CACNA1S: variants seen among roughly 807,000 people sequenced by gnomAD.
CACNA1S encodes voltage-dependent L-type calcium channel subunit alpha-1S.
A neutral mutation model predicts 207.4 loss-of-function variants in CACNA1S; 126 were observed. The observed-to-expected ratio is 0.61, with a 90% CI of 0.53 to 0.70. The LOEUF (loss-of-function observed/expected upper bound fraction) is 0.70, where lower values mean the gene tolerates loss of function less well. Among genes scored for constraint, CACNA1S ranks in the 30% least tolerant of loss-of-function variants. The pLI is 0.00. For missense variants in CACNA1S, 2,349 were observed against 2,422.8 expected, an observed-to-expected ratio of 0.97 and a Z score of 0.64; for synonymous variants, 960 against 932.7, an observed-to-expected ratio of 1.03 and a Z score of -0.53.
intron 3 of CACNA1S, 76 bp downstream of exon 3, chr1:201,093,806 T>A: frequency 3.2e-6 from 5 of 1,560,692 alleles, no homozygotes; most frequent in Non-Finnish European, 4.4e-6. Context: ...ACCTCTAAGA[T>A]GCTGGTGGTG....
Position 201,092,093 on chromosome 1 carries a change from T to C in CACNA1S, c.420A>G (p.Glu140=), listed in dbSNP as rs1055323667. 2 of 1,613,908 alleles carry C rather than the reference T, an allele frequency of 1.2e-6. No homozygotes were observed. Among genetic ancestry groups the C allele is most frequent in the African/African-American group, 1.3e-5 (1 of 74,868 alleles). ...TGTGGCTTTGGATGACGTTAACCTG[T>C]TCCAGAATCACGGTGAAGACCCTAG... ...VFLGVFTVIL[E]QVNVIQSHTA... The change falls in exon 4 of 44, where the codon GAA becomes GAG. Residue 140 remains glutamate (E), a synonymous_variant. Coordinates refer to ENST00000362061, the MANE Select transcript of CACNA1S (RefSeq NM_000069.3).
Position 201,051,186 on chromosome 1 carries a change from T to C in CACNA1S, c.3954-43A>G, listed in dbSNP as rs767754338. 5.0e-6 allele frequency: 8 copies of C among 1,611,222 alleles called. No homozygotes were observed. The Admixed American group carries it at 8.3e-5, about 17-fold the overall frequency. On this transcript the variant is annotated intron_variant, in intron 32 of 43. Coordinates refer to ENST00000362061, the MANE Select transcript of CACNA1S (RefSeq NM_000069.3). ...CTCCTGTCACCTATCTGCTCCTGCC[T>C]GGCCCCTCAGAAGGCTGGCAGTCAG...
In CACNA1S at chr1:201,069,776, C is replaced by A. The variant is rs553073267; in HGVS notation, c.2361-175G>T. On this transcript the variant is annotated intron_variant, in intron 17 of 43. Coordinates refer to ENST00000362061, the MANE Select transcript of CACNA1S (RefSeq NM_000069.3). ...TGGCTGGACACACAGGGGGCCCTGA[C>A]CTCTCACTCTGTTTCTAAAGCCTTA... Among the ~76,000 whole-genome samples, 4 of 152,276 alleles carry A rather than the reference C, an allele frequency of 2.6e-5. No homozygotes were observed. In the East Asian group the frequency reaches 7.7e-4, roughly 29 times the overall value.
Position 201,076,956 on chromosome 1 carries a change from A to G in CACNA1S, c.1791T>C (p.Phe597=), listed in dbSNP as rs200887343. 65 of 1,614,092 alleles carry G rather than the reference A, an allele frequency of 4.0e-5. 1 individual carries two copies. The highest frequency in any genetic ancestry group is 5.0e-5 in the Admixed American group (3 of 60,012). ...FEDTEVRRSN[F]DNFPQALISV... is the part of the protein sequence containing the mutation. ...TGATGAGGGCTTGGGGAAAGTTGTCAAAGTTGCTGCGCCGTACTTCTGTGT... is the reference window on the plus strand; with the variant it reads ...TGATGAGGGCTTGGGGAAAGTTGTCGAAGTTGCTGCGCCGTACTTCTGTGT... The change falls in exon 12 of 44, where the codon TTT becomes TTC. Residue 597 remains phenylalanine (F), a synonymous_variant. Coordinates refer to ENST00000362061, the MANE Select transcript of CACNA1S (RefSeq NM_000069.3).
chr1:201,077,297 C>T (rs527445777), intron 11 of CACNA1S, among the ~76,000 whole-genome samples, 170 bp from the exon 12 acceptor site: 2 of 152,322 alleles, frequency 1.3e-5, no homozygotes, highest in Admixed American at 6.5e-5. Flanking sequence ...TCTCTCCTTC[C>T]TGCAGAGCAC....
intron 12 of CACNA1S, among the ~76,000 whole-genome samples, chr1:201,076,246 G>A (rs1004521075): frequency 1.3e-5 from 2 of 152,168 alleles, no homozygotes; most frequent in Admixed American, 6.5e-5. Context: ...GTGAAATGTC[G>A]AGTCTCTTGA....
chr1:201,110,232 T>C lies in CACNA1S; in HGVS notation c.190A>G (p.Asn64Asp), dbSNP rs1663047287. Residue 64 changes from asparagine to aspartate, a missense_variant, in exon 2 of 44, where the codon AAT becomes GAT. Transcript: ENST00000362061. The part of the protein sequence containing the change: ...ETIILLTIFA[N>D]CVALAVYLPM... ...AGGTACACGGCCAGGGCCACACAAT[T>C]GGCAAAGATGGTGAGCAAGATGATC... 2 of 1,614,044 alleles carry C rather than the reference T, an allele frequency of 1.2e-6. No individual in the cohort carries two copies. Among genetic ancestry groups the C allele is most frequent in the East Asian group, 4.5e-5 (2 of 44,870 alleles).
intron 7 of CACNA1S, among the ~76,000 whole-genome samples, chr1:201,087,251 C>T (rs1315089352): frequency 6.6e-6 from 1 of 152,188 alleles, no homozygotes; most frequent in African/African-American, 2.4e-5. Flanking sequence ...GAGATAGATA[C>T]TGAAATAATT....
chr1:201,091,814 G>A (rs762718894), intron 4 of CACNA1S, 22 bp from the exon 5 acceptor site: 87 of 1,609,578 alleles, frequency 5.4e-5, no homozygotes, highest in Admixed American at 1.4e-4. Flanking sequence ...GGCAGGGAAG[G>A]GAAAAGAGGA....
At chr1:201,110,353 G>T in intron 1 of CACNA1S, 84 bp from the exon 2 acceptor site, 1 of 1,158,190 alleles carries the variant, frequency 8.6e-7, no homozygotes, top group South Asian at 1.2e-5. Flanking sequence ...GGTCAGTCTG[G>T]ACTGTGACTC....
chr1:201,087,832 A>G lies in CACNA1S; in HGVS notation c.998T>C (p.Leu333Pro). ...FFILNLVLGV[L>P]SGEFTKEREK... ...CTACCTTTGAATTTCTTACCCACTC[A>G]GGACACCCAGCACCAGGTTGAGGAT... Residue 333 changes from leucine to proline, a missense_variant, in exon 7 of 44, where the codon CTG (leucine) becomes CCG (proline). Leu to Pro is a moderately conservative substitution (Grantham distance 98). Transcript: ENST00000362061. 1 of 1,609,178 alleles carries G rather than the reference A, an allele frequency of 6.2e-7. No homozygotes were observed. The highest frequency in any genetic ancestry group is 8.5e-7 in the Non-Finnish European group (1 of 1,176,374).
At chr1:201,094,546 A>G (rs894190119) in intron 2 of CACNA1S, among the ~76,000 whole-genome samples, 1 of 151,894 alleles carries the variant, frequency 6.6e-6, no homozygotes, top group Non-Finnish European at 1.5e-5. Flanking sequence ...TGGCTTTGGC[A>G]CCTTTATTCT....
intron 17 of CACNA1S, 34 bp from the exon 18 acceptor site, chr1:201,069,635 G>C (rs772784275): frequency 1.3e-6 from 2 of 1,549,850 alleles, no homozygotes; most frequent in African/African-American, 2.7e-5. Flanking sequence ...CAGGGGAGCT[G>C]TGAGCTGCTG....
At chr1:201,090,104 C>T (rs546832461) in intron 5 of CACNA1S, among the ~76,000 whole-genome samples, 1 of 152,300 alleles carries the variant, frequency 6.6e-6, no homozygotes, top group South Asian at 2.1e-4. Flanking sequence ...ATTGGCTCAT[C>T]AGAACTGGAA....
chr1:201,087,381 G>A (rs1419015135), intron 7 of CACNA1S, among the ~76,000 whole-genome samples: 1 of 152,178 alleles, frequency 6.6e-6, no homozygotes, highest in Admixed American at 6.5e-5. Context: ...CAGAGTCTGT[G>A]TGCTTAACCG....
rs114191689 is a variant in CACNA1S at position 201,066,634 on chromosome 1, C to T, written c.2657+253G>A. On this transcript the variant is annotated intron_variant, in intron 20 of 43. Transcript: ENST00000362061. The surrounding 1 kb of genome is among the most constrained non-coding windows in gnomAD (Gnocchi z 4.3). ...GCAGGGGCTGTGCTCCCCACAGGGT[C>T]GGGGAGGGAGGGACCACTTCCTCCT... is the stretch of plus-strand genomic sequence containing the variant. 4.4e-3 allele frequency among the ~76,000 whole-genome samples: 673 copies of T among 152,276 alleles called. 6 individuals are homozygous for T. The highest frequency in any genetic ancestry group is 4.4e-3 in the Non-Finnish European group (302 of 67,986).
rs143358258 is a variant in CACNA1S at position 201,100,478 on chromosome 1, C to T, written c.259-6457G>A. Among the ~76,000 whole-genome samples, 375 of 152,338 alleles carry T rather than the reference C, an allele frequency of 2.5e-3. 1 individual carries two copies. Among genetic ancestry groups the T allele is most frequent in the African/African-American group, 8.2e-3 (342 of 41,572 alleles). ...AGGGAAGTGGCTATGTTTAGCCCAA[C>T]GAACGCTCACCCAAATAGACGTAAC... On this transcript the variant is annotated intron_variant, in intron 2 of 43. Transcript: ENST00000362061.
chr1:201,091,967 C>T lies in CACNA1S; in HGVS notation c.541+5G>A. 1 of 1,614,046 alleles carries T rather than the reference C, an allele frequency of 6.2e-7. No individual in the cohort carries two copies. The highest frequency in any genetic ancestry group is 8.5e-7 in the Non-Finnish European group (1 of 1,179,978). On this transcript the variant is annotated splice_donor_5th_base_variant and intron_variant, in intron 4 of 43. Transcript: ENST00000362061. ...AAAGGGGTCTGCAGGGACACTGCCA[C>T]CCACTAGGCACCCCCGACACCAGCC...
chr1:201,106,430 C>T (rs765983637), intron 2 of CACNA1S, among the ~76,000 whole-genome samples: 2 of 152,136 alleles, frequency 1.3e-5, no homozygotes, highest in East Asian at 3.9e-4. Flanking sequence ...GCCCACGTGG[C>T]TTCCTCTGCC....
Sources: gnomAD v4.1 joint callset for allele counts (sites outside exome capture counted in the v4.1 genomes callset) on GRCh38, gnomAD v4.1.1 for gene constraint, Gnocchi (gnomAD v3.1) non-coding constraint, MANE v1.5 for transcripts, NCBI Gene and HGNC (gene_info 2026-07-23, HGNC 2026-07-21) for gene names.